Variants in WDR72 observed in about 807,000 individuals in gnomAD.
The protein encoded by WDR72 is WD repeat-containing protein 72.
Under a neutral mutation model 124.2 loss-of-function variants are expected in WDR72, and 120 were observed. The ratio of observed to expected loss-of-function variants is 0.97; its 90% CI spans 0.83 to 1.12. The LOEUF is 1.12. Ranked by LOEUF, WDR72 falls within the 50% of genes most tolerant of loss-of-function variation. The pLI is 0.00. For missense variants in WDR72, 1,387 were observed against 1,278.8 expected, an observed-to-expected ratio of 1.08 and a Z score of -1.29; for synonymous variants, 452 against 441.7, an observed-to-expected ratio of 1.02 and a Z score of -0.29.
chr15:53,672,261 G>C (rs1236727456), intron 13 of WDR72, among the ~76,000 whole-genome samples: 2 of 139,748 alleles, frequency 1.4e-5, no homozygotes, highest in Non-Finnish European at 3.1e-5. Context: ...TCAGAGCAGA[G>C]ACACAAAGCC....
chr15:53,585,118 T>A (rs969484689), intron 18 of WDR72, among the ~76,000 whole-genome samples: 3 of 151,974 alleles, frequency 2.0e-5, no homozygotes, highest in Admixed American at 2.0e-4. Context: ...TTATTGGGTG[T>A]ATTAGTCTAT....
At chr15:53,680,504 T>G (rs16966481) in intron 13 of WDR72, among the ~76,000 whole-genome samples, 11,497 of 152,224 alleles carry the variant, frequency 0.076, 1,110 homozygotes, top group African/African-American at 0.22. Flanking sequence ...TTTTCAAACT[T>G]GACTTATGGT....
At chr15:53,751,240 T>A (rs1327391249) in intron 1 of WDR72, among the ~76,000 whole-genome samples, 19 of 143,148 alleles carry the variant, frequency 1.3e-4, no homozygotes, top group South Asian at 2.2e-4. Flanking sequence ...GAGACTACTT[T>A]AAAAAAAAAA....
chr15:53,650,899 T>G (rs910876122), intron 14 of WDR72, among the ~76,000 whole-genome samples: 4 of 149,554 alleles, frequency 2.7e-5, no homozygotes, highest in Non-Finnish European at 4.5e-5. Context: ...TTCAGTTTTT[T>G]TTTTTTTTTT....
intron 14 of WDR72, among the ~76,000 whole-genome samples, chr15:53,657,541 C>G (rs1214275741): frequency 6.6e-6 from 1 of 151,934 alleles, no homozygotes; most frequent in Non-Finnish European, 1.5e-5. Flanking sequence ...AGAACTTCCC[C>G]CTTCAAATTA....
At chr15:53,524,025 T>C (rs1891967517) in intron 18 of WDR72, among the ~76,000 whole-genome samples, 1 of 152,066 alleles carries the variant, frequency 6.6e-6, no homozygotes, top group Non-Finnish European at 1.5e-5. Context: ...AGAAACAGAC[T>C]GAAGTTTCCA....
chr15:53,587,486 C>G (rs7169093), intron 18 of WDR72, among the ~76,000 whole-genome samples: 3,239 of 151,908 alleles, frequency 0.021, 134 homozygotes, highest in African/African-American at 0.075. Flanking sequence ...GTAGTCATGC[C>G]CAGGATTTTG....
chr15:53,714,523 T>A lies in WDR72; in HGVS notation c.515-13A>T. 6.2e-7 allele frequency: 1 copy of A among 1,604,598 alleles called. No homozygotes were observed. Among genetic ancestry groups the A allele is most frequent in the South Asian group, 1.1e-5 (1 of 90,882 alleles). ...AAGAGAGAATCTTCTGTGAAAATAA[T>A]AAAAGTCACATATAAGCTTACCATG... On this transcript the variant is annotated splice_polypyrimidine_tract_variant and intron_variant, in intron 5 of 19. Coordinates refer to ENST00000360509, the MANE Select transcript of WDR72 (RefSeq NM_182758.4).
At chr15:53,517,824 G>T in intron 19 of WDR72, 70 bp from the exon 20 acceptor site, 1 of 1,408,502 alleles carries the variant, frequency 7.1e-7, no homozygotes, top group Non-Finnish European at 1.0e-6. Flanking sequence ...AAGACCAAGA[G>T]GAGGGGAGGG....
At chr15:53,575,069 T>C (rs951639567) in intron 18 of WDR72, among the ~76,000 whole-genome samples, 22 of 151,962 alleles carry the variant, frequency 1.4e-4, no homozygotes, top group African/African-American at 5.3e-4. Context: ...CACATACATG[T>C]ATACATAATT....
chr15:53,566,848 C>T (rs955778995), intron 18 of WDR72, among the ~76,000 whole-genome samples: 2 of 151,852 alleles, frequency 1.3e-5, no homozygotes, highest in Non-Finnish European at 2.9e-5. Flanking sequence ...ATGAAATAGT[C>T]CCCAAACACA....
chr15:53,581,313 C>A (rs1015920146), intron 18 of WDR72, among the ~76,000 whole-genome samples: 1 of 151,932 alleles, frequency 6.6e-6, no homozygotes, highest in Non-Finnish European at 1.5e-5. Context: ...GATCTTGAGA[C>A]CAAAAGTTTA....
chr15:53,749,674 G>A (rs2018728152), intron 1 of WDR72, among the ~76,000 whole-genome samples: 1 of 152,178 alleles, frequency 6.6e-6, no homozygotes, highest in Non-Finnish European at 1.5e-5. Flanking sequence ...TAGGCCTTTT[G>A]CACCAAACCA....
At chr15:53,740,175 T>A (rs1383904119) in intron 1 of WDR72, among the ~76,000 whole-genome samples, 1 of 152,152 alleles carries the variant, frequency 6.6e-6, no homozygotes, top group Non-Finnish European at 1.5e-5. Flanking sequence ...AATTATCCGC[T>A]CTGCATTGAT....
intron 9 of WDR72, 76 bp from the exon 10 acceptor site, chr15:53,706,150 C>A (rs756230452): frequency 2.0e-6 from 3 of 1,463,458 alleles, no homozygotes; most frequent in Non-Finnish European, 2.8e-6. Flanking sequence ...AATGGAGAAA[C>A]AAGACTTAAT....
At chr15:53,557,705 T>C (rs745837880) in intron 18 of WDR72, among the ~76,000 whole-genome samples, 3 of 151,982 alleles carry the variant, frequency 2.0e-5, no homozygotes, top group Non-Finnish European at 4.4e-5. Context: ...CTCAGTTAAA[T>C]GAAGGAGGTG....
intron 18 of WDR72, among the ~76,000 whole-genome samples, chr15:53,560,569 AT>A (rs925860131): frequency 2.0e-5 from 3 of 151,538 alleles, no homozygotes; most frequent in Non-Finnish European, 4.4e-5. Context: ...ACACCAGGTT[AT>A]TTTTTTTCCA....
intron 14 of WDR72, among the ~76,000 whole-genome samples, chr15:53,650,335 A>G (rs1484529558): frequency 3.3e-5 from 5 of 152,188 alleles, no homozygotes; most frequent in Non-Finnish European, 7.4e-5. Context: ...AGTAAGCTAT[A>G]GAGATCTGCT....
At chr15:53,691,618 G>T (rs2016844229) in intron 13 of WDR72, among the ~76,000 whole-genome samples, 1 of 36,656 alleles carries the variant, frequency 2.7e-5, no homozygotes, top group African/African-American at 6.7e-5. Flanking sequence ...CAGACAGACA[G>T]ACAGATAGAT....
Sources: gnomAD v4.1 joint callset for allele counts (sites outside exome capture counted in the v4.1 genomes callset) on GRCh38, gnomAD v4.1.1 for gene constraint, MANE v1.5 for transcripts, NCBI Gene and HGNC (gene_info 2026-07-23, HGNC 2026-07-21) for gene names.